The following LMX1A variants were observed in gnomAD, a reference collection of about 807,000 sequenced individuals.
LMX1A encodes the protein LIM homeobox transcription factor 1-alpha.
LMX1A carries 15 observed loss-of-function variants against 49.1 expected under a neutral mutation model. That is an observed-to-expected ratio of 0.31 (90% CI 0.20 to 0.47). LMX1A has a LOEUF of 0.47. Ranked by LOEUF, LMX1A falls within the 20% of genes least tolerant of loss-of-function variation. The probability of loss-of-function intolerance (pLI) is 1.00; values close to 1 mark genes in which losing one functional copy is unlikely to be tolerated. For synonymous variants in LMX1A, 167 were observed against 185.7 expected, an observed-to-expected ratio of 0.90 and a Z score of 0.82; for missense variants, 372 against 475.8, an observed-to-expected ratio of 0.78 and a Z score of 2.03.
intron 4 of LMX1A, chr1:165,218,597 G>T (rs1040725107): frequency 6.6e-6 from 1 of 152,244 alleles, no homozygotes; most frequent in African/African-American, 2.4e-5. Context: ...TTTCAGCAGG[G>T]GCAGACCTGC....
intron 4 of LMX1A, among the ~76,000 whole-genome samples, chr1:165,242,810 G>C (rs544915001): frequency 6.6e-6 from 1 of 151,154 alleles, no homozygotes; most frequent in Non-Finnish European, 1.5e-5. Context: ...GGTGCCTATA[G>C]TCCCAGCTAC....
chr1:165,223,655 T>C (rs193257902), intron 4 of LMX1A, among the ~76,000 whole-genome samples: 1 of 152,290 alleles, frequency 6.6e-6, no homozygotes, highest in East Asian at 1.9e-4. Context: ...GGTAATTTCT[T>C]CCCTTTCCAA....
intron 3 of LMX1A, among the ~76,000 whole-genome samples, chr1:165,313,138 T>A (rs1381692889): frequency 6.6e-6 from 1 of 152,178 alleles, no homozygotes; most frequent in African/African-American, 2.4e-5. Flanking sequence ...GGTAAGTTCA[T>A]CCCAGCAGGA....
chr1:165,205,578 C>A (rs1313393743), intron 8 of LMX1A, among the ~76,000 whole-genome samples: 2 of 152,174 alleles, frequency 1.3e-5, no homozygotes, highest in African/African-American at 4.8e-5. Context: ...GCAAGACTTG[C>A]AATTCAATGA....
Position 165,267,693 on chromosome 1 carries a change from C to G in LMX1A, c.264-18053G>C, listed in dbSNP as rs146173659. Among the ~76,000 whole-genome samples, 220 of 152,184 alleles carry G rather than the reference C, an allele frequency of 1.4e-3. 1 individual carries two copies. Among genetic ancestry groups the G allele is most frequent in the Middle Eastern group, 0.01 (3 of 294 alleles). ...TGAGAGGAAGAAACCAGGAAGAAAA[C>G]AGGAAAGTGAAGTGGAAACCAACTC... On this transcript the variant is annotated intron_variant, in intron 3 of 8. Coordinates refer to ENST00000342310, the MANE Select transcript of LMX1A (RefSeq NM_177398.4).
intron 3 of LMX1A, among the ~76,000 whole-genome samples, chr1:165,314,233 G>T (rs2174696): frequency 0.4 from 60,412 of 152,054 alleles, 12,249 homozygotes; most frequent in Admixed American, 0.47. Context: ...ATGTGCAATA[G>T]CTGAGCTCTA....
intron 4 of LMX1A, among the ~76,000 whole-genome samples, chr1:165,231,578 T>TAAA: frequency 6.6e-6 from 1 of 152,236 alleles, no homozygotes; most frequent in Non-Finnish European, 1.5e-5. Context: ...GCCAATGTTA[T>TAAA]GTTCACAACT....
At chr1:165,315,586 A>G (rs1655194649) in intron 3 of LMX1A, among the ~76,000 whole-genome samples, 1 of 152,242 alleles carries the variant, frequency 6.6e-6, no homozygotes, top group Admixed American at 6.5e-5. Flanking sequence ...TCCGTAATCC[A>G]ACACTGTAAA....
At chr1:165,332,852 G>C (rs778884316) in intron 3 of LMX1A, among the ~76,000 whole-genome samples, 7 of 152,234 alleles carry the variant, frequency 4.6e-5, no homozygotes, top group African/African-American at 1.2e-4. Context: ...TCATGGAAAG[G>C]GTTGGCATAA....
intron 3 of LMX1A, among the ~76,000 whole-genome samples, chr1:165,326,209 G>A (rs932237700): frequency 6.6e-6 from 1 of 152,216 alleles, no homozygotes; most frequent in Admixed American, 6.5e-5. Context: ...GGGAAGGGGG[G>A]TAGATGAGAT....
At chr1:165,246,321 T>C (rs550107123) in intron 4 of LMX1A, among the ~76,000 whole-genome samples, 3 of 152,324 alleles carry the variant, frequency 2.0e-5, no homozygotes, top group Admixed American at 2.0e-4. Context: ...GCAGCATTGA[T>C]ATAATTGATG....
chr1:165,247,054 C>CTGTTTTTTTTTTTTTTTTTTTTTTTTT, intron 4 of LMX1A, among the ~76,000 whole-genome samples: 1 of 53,230 alleles, frequency 1.9e-5, no homozygotes, highest in Non-Finnish European at 3.3e-5. Context: ...TCAGCTTTTT[C>CTGTTTTTTTTTTTTTTTTTTTTTTTTT]TTTTTTTTTT....
intron 4 of LMX1A, among the ~76,000 whole-genome samples, chr1:165,243,219 AG>A (rs1319287189): frequency 6.6e-6 from 1 of 152,316 alleles, no homozygotes. Context: ...TATTTTTAAA[AG>A]TTTTTAAAAA....
At chr1:165,225,403 T>C (rs902351815) in intron 4 of LMX1A, among the ~76,000 whole-genome samples, 4 of 152,260 alleles carry the variant, frequency 2.6e-5, no homozygotes, top group Admixed American at 6.5e-5. Context: ...TTTATGGTTA[T>C]TTCCCTTAGG....
chr1:165,245,444 G>A (rs560720703), intron 4 of LMX1A, among the ~76,000 whole-genome samples: 5 of 152,132 alleles, frequency 3.3e-5, no homozygotes, highest in African/African-American at 9.6e-5. Flanking sequence ...TACATGGGTC[G>A]GCAACCTTGG....
chr1:165,312,608 A>G (rs1168068565), intron 3 of LMX1A, among the ~76,000 whole-genome samples: 4 of 152,196 alleles, frequency 2.6e-5, no homozygotes, highest in Admixed American at 6.5e-5. Flanking sequence ...AGGAAGCCCA[A>G]GCAACTCTAT....
At chr1:165,247,685 G>C (rs1300631305) in intron 4 of LMX1A, among the ~76,000 whole-genome samples, 1 of 152,214 alleles carries the variant, frequency 6.6e-6, no homozygotes, top group Admixed American at 6.5e-5. Flanking sequence ...ACACTGACTA[G>C]TGGATGTTAA....
rs1653115885 is a variant in LMX1A at position 165,253,136 on chromosome 1, A to G, written c.264-3496T>C. On this transcript the variant is annotated intron_variant, in intron 3 of 8. Coordinates refer to ENST00000342310, the MANE Select transcript of LMX1A (RefSeq NM_177398.4). ...AGGCACAAGAGGATACAAGACAGAC[A>G]AATCCTTGACCTCATGTAGCTCGCA... Among the ~76,000 whole-genome samples the G allele has an allele frequency of 2.6e-5, 4 of 152,304 alleles. No individual in the cohort carries two copies. The South Asian group carries it at 8.3e-4, about 32-fold the overall frequency.
chr1:165,231,999 C>T (rs767985876), intron 4 of LMX1A, among the ~76,000 whole-genome samples: 1 of 152,194 alleles, frequency 6.6e-6, no homozygotes, highest in Non-Finnish European at 1.5e-5. Context: ...AGCATTCTAT[C>T]AGACAAGAAA....
Sources: gnomAD v4.1 joint callset for allele counts (sites outside exome capture counted in the v4.1 genomes callset) on GRCh38, gnomAD v4.1.1 for gene constraint, MANE v1.5 for transcripts, NCBI Gene and HGNC (gene_info 2026-07-23, HGNC 2026-07-21) for gene names.